Variants in CACNA1C observed in about 807,000 individuals in gnomAD.
The protein encoded by CACNA1C is voltage-dependent L-type calcium channel subunit alpha-1C.
Under a neutral mutation model 229.0 loss-of-function variants are expected in CACNA1C, and 30 were observed. The observed-to-expected ratio is 0.13, with a 90% confidence interval of 0.10 to 0.18. The LOEUF is 0.18. Among genes scored for constraint, CACNA1C ranks in the 10% least tolerant of loss-of-function variants. The pLI, the probability that CACNA1C is intolerant of heterozygous loss-of-function variation, is 1.00. For synonymous variants in CACNA1C, 1,114 were observed against 1,132.5 expected (o/e 0.98, Z 0.33); for missense variants, 1,658 against 2,845.0 (o/e 0.58, Z 9.49).
At chr12:2,569,995 G>A (rs2053478072) in intron 13 of CACNA1C, among the ~76,000 whole-genome samples, 1 of 152,168 alleles carries the variant, frequency 6.6e-6, no homozygotes, top group African/African-American at 2.4e-5. Flanking sequence ...AAACATCAGA[G>A]GGTCTCACAT....
At chr12:2,059,762 G>A (rs1366673996) in intron 1 of CACNA1C, among the ~76,000 whole-genome samples, 1 of 152,162 alleles carries the variant, frequency 6.6e-6, no homozygotes, top group Non-Finnish European at 1.5e-5. Context: ...GAAAACAGAG[G>A]CCCCTAAAGG....
rs1300504429 is a variant in CACNA1C at position 2,602,877 on chromosome 12, TCACA to T, written c.2960+924_2960+927del. Among the ~76,000 whole-genome samples, 1 of 152,180 alleles carries T rather than the reference TCACA, an allele frequency of 6.6e-6. No homozygotes were observed. Among genetic ancestry groups the T allele is most frequent in the Non-Finnish European group, 1.5e-5 (1 of 68,032 alleles). On this transcript the variant is annotated intron_variant, in intron 22 of 46. Transcript: ENST00000399655. This position sits in a 1 kb window ranked among gnomAD's most constrained non-coding sequence, Gnocchi z 4.4. ...CCACATACACATTCTTCTGTGGTCC[TCACA>T]CACACAAAACGATGGGGGAGACGGG...
chr12:2,128,199 A>T (rs1234219838), intron 3 of CACNA1C, among the ~76,000 whole-genome samples: 1 of 152,198 alleles, frequency 6.6e-6, no homozygotes, highest in African/African-American at 2.4e-5. Flanking sequence ...GTTGGAACTT[A>T]GGACTGTATG....
chr12:2,407,126 C>T (rs917913304), intron 3 of CACNA1C, among the ~76,000 whole-genome samples: 2 of 152,322 alleles, frequency 1.3e-5, no homozygotes, highest in African/African-American at 2.4e-5. Context: ...GACACCGCAG[C>T]GAGGGAGAGG....
Position 2,354,803 on chromosome 12 carries a change from T to C in CACNA1C, c.478-94173T>C, listed in dbSNP as rs1307982812. On this transcript the variant is annotated intron_variant, in intron 3 of 46. Transcript: ENST00000399655. The surrounding 1 kb of genome is among the most constrained non-coding windows in gnomAD (Gnocchi z 4.6). ...GCCTTGACTTCTGGTTCCATTCTCG[T>C]TTCCCTGGGCTGCTCTCCACCTTCC... is the stretch of plus-strand genomic sequence containing the variant. Among the ~76,000 whole-genome samples the C allele has an allele frequency of 6.6e-6, 1 of 152,184 alleles. No individual in the cohort carries two copies. Among genetic ancestry groups the C allele is most frequent in the African/African-American group, 2.4e-5 (1 of 41,438 alleles).
intron 3 of CACNA1C, 133 bp downstream of exon 3, chr12:2,120,563 T>C (rs747326578): frequency 1.4e-6 from 1 of 696,646 alleles, no homozygotes; most frequent in Non-Finnish European, 2.6e-6. Flanking sequence ...AGAGCTCACA[T>C]CCCGAGTGCT....
chr12:2,406,520 G>C (rs191596439), intron 3 of CACNA1C, among the ~76,000 whole-genome samples: 2 of 151,674 alleles, frequency 1.3e-5, no homozygotes, highest in Admixed American at 6.6e-5. Context: ...TCCTTCCTTC[G>C]TTGTCTATAA....
rs751134635 is a variant in CACNA1C, at chr12:2,079,962, T to C, written c.49+26351T>C. ...GTCACAGGACAATTTGAGGAGAATATAAAATAACCTTGTTTAGGCTGGGTG... is the reference window on the plus strand; with the variant it reads ...GTCACAGGACAATTTGAGGAGAATACAAAATAACCTTGTTTAGGCTGGGTG... On this transcript the variant is annotated intron_variant, in intron 1 of 46. Transcript: ENST00000399655. Among the ~76,000 whole-genome samples the C allele has an allele frequency of 3.3e-5, 5 of 152,204 alleles. No individual in the cohort carries two copies. In the East Asian group the frequency reaches 5.8e-4, roughly 18 times the overall value.
chr12:2,490,942 G>T (rs2099723778), intron 6 of CACNA1C, among the ~76,000 whole-genome samples: 1 of 152,164 alleles, frequency 6.6e-6, no homozygotes, highest in Non-Finnish European at 1.5e-5. Context: ...CCAAGAATAA[G>T]CCAGGAAGCA....
chr12:2,495,648 C>T lies in CACNA1C; in HGVS notation c.1113+2262C>T, dbSNP rs181094856. Among the ~76,000 whole-genome samples, 58 of 152,314 alleles carry T rather than the reference C, an allele frequency of 3.8e-4. No homozygotes were observed. The East Asian group carries it at 4.2e-3, about 11-fold the overall frequency. ...ACCAATTTTCAGCAGCTGTGTTGTG[C>T]CTTCTCCCCTGGGGAGCGTGTGATA... is the stretch of plus-strand genomic sequence containing the variant. On this transcript the variant is annotated intron_variant, in intron 7 of 46. Coordinates refer to ENST00000399655, the MANE Select transcript of CACNA1C (RefSeq NM_000719.7).
At chr12:2,430,557 A>G (rs557999699) in intron 3 of CACNA1C, among the ~76,000 whole-genome samples, 28 of 150,816 alleles carry the variant, frequency 1.9e-4, no homozygotes, top group African/African-American at 6.9e-4. Flanking sequence ...CCCACCCCTG[A>G]CTCAGTCTGG....
intron 1 of CACNA1C, among the ~76,000 whole-genome samples, chr12:1,990,852 T>C (rs2039194491): frequency 6.6e-6 from 1 of 152,196 alleles, no homozygotes; most frequent in Non-Finnish European, 1.5e-5. Context: ...TTAAGAGGTA[T>C]CTGACACTCT....
At chr12:2,188,387 C>G (rs960363166) in intron 3 of CACNA1C, among the ~76,000 whole-genome samples, 2 of 152,130 alleles carry the variant, frequency 1.3e-5, no homozygotes, top group Non-Finnish European at 2.9e-5. Flanking sequence ...ATGCATTTGA[C>G]TAGTTGGCAC....
At chr12:2,013,375 C>G (rs909772680) in intron 1 of CACNA1C, among the ~76,000 whole-genome samples, 2 of 152,190 alleles carry the variant, frequency 1.3e-5, no homozygotes, top group African/African-American at 4.8e-5. Flanking sequence ...ACAAAAGAGT[C>G]ATACTTAGTT....
At chr12:2,047,685 T>C (rs1176539334) in intron 1 of CACNA1C, among the ~76,000 whole-genome samples, 1 of 152,234 alleles carries the variant, frequency 6.6e-6, no homozygotes, top group Non-Finnish European at 1.5e-5. Flanking sequence ...GTGGGAGCAC[T>C]ACACTGTTGC....
intron 3 of CACNA1C, among the ~76,000 whole-genome samples, chr12:2,283,020 CTT>C (rs374051091): frequency 0.055 from 7,859 of 144,096 alleles, 240 homozygotes; most frequent in African/African-American, 0.077. Flanking sequence ...CACTCTGGCC[CTT>C]TTTTTTTTTT....
chr12:2,158,599 C>T (rs1314657330), intron 3 of CACNA1C, among the ~76,000 whole-genome samples: 1 of 152,110 alleles, frequency 6.6e-6, no homozygotes, highest in East Asian at 1.9e-4. Context: ...TTACCCGCAG[C>T]CATGTGGGAA....
intron 11 of CACNA1C, among the ~76,000 whole-genome samples, chr12:2,561,626 C>T (rs1240059174): frequency 2.0e-5 from 3 of 152,180 alleles, no homozygotes; most frequent in Admixed American, 2.0e-4. Context: ...GGTGGAGTTT[C>T]CGGTAGCTGG....
At chr12:2,432,203 A>G (rs940974992) in intron 3 of CACNA1C, among the ~76,000 whole-genome samples, 11 of 152,236 alleles carry the variant, frequency 7.2e-5, no homozygotes, top group Non-Finnish European at 1.0e-4. Flanking sequence ...GGTGTCAGAC[A>G]GTTTCAGAGC....
Sources: allele counts gnomAD v4.1 joint callset (sites outside exome capture counted in the v4.1 genomes callset), GRCh38; gene constraint gnomAD v4.1.1; non-coding constraint Gnocchi (gnomAD v3.1); transcripts MANE v1.5; gene names NCBI Gene and HGNC (gene_info 2026-07-23, HGNC 2026-07-21).